The following ARHGAP24 variants were observed in gnomAD, a reference collection of about 807,000 sequenced individuals.
The protein encoded by ARHGAP24 is rho GTPase-activating protein 24.
Under a neutral mutation model 76.4 loss-of-function variants are expected in ARHGAP24, and 50 were observed. The observed-to-expected ratio is 0.65, with a 90% CI of 0.52 to 0.83. The LOEUF is 0.83. ARHGAP24 is among the 40% of genes least tolerant of loss of function. The probability of loss-of-function intolerance (pLI) is 0.00; values close to 1 mark genes in which losing one functional copy is unlikely to be tolerated. For synonymous variants in ARHGAP24, 345 were observed against 323.3 expected (o/e 1.07, Z -0.72); for missense variants, 930 against 914.2 (o/e 1.02, Z -0.22).
intron 3 of ARHGAP24, among the ~76,000 whole-genome samples, chr4:85,727,305 G>A (rs2110048715): frequency 6.6e-6 from 1 of 152,212 alleles, no homozygotes; most frequent in East Asian, 1.9e-4. Flanking sequence ...GGATACACTG[G>A]TATCTTTCCA....
At chr4:85,640,025 C>G (rs530021435) in intron 2 of ARHGAP24, among the ~76,000 whole-genome samples, 1 of 152,214 alleles carries the variant, frequency 6.6e-6, no homozygotes, top group South Asian at 2.1e-4. Flanking sequence ...CCTCTTCCTC[C>G]TCTCTGAGTT....
At chr4:85,672,035 C>T (rs1466236262) in intron 2 of ARHGAP24, among the ~76,000 whole-genome samples, 4 of 152,106 alleles carry the variant, frequency 2.6e-5, no homozygotes, top group South Asian at 2.1e-4. Flanking sequence ...AATGTGAACA[C>T]AACACAGTTT....
intron 1 of ARHGAP24, among the ~76,000 whole-genome samples, chr4:85,483,451 T>C (rs1156811633): frequency 6.6e-6 from 1 of 151,846 alleles, no homozygotes; most frequent in Non-Finnish European, 1.5e-5. Context: ...GTCTCTACTA[T>C]AAGTACAAAA....
At position 86,000,620 on chromosome 4, in the gene ARHGAP24, T is replaced by A; in HGVS notation, c.2145T>A (p.Asn715Lys). 6.2e-7 allele frequency: 1 copy of A among 1,613,884 alleles called. No homozygotes were observed. The highest frequency in any genetic ancestry group is 1.7e-5 in the Admixed American group (1 of 60,008). Residue 715 changes from asparagine (N) to lysine (K), a missense_variant, in exon 10 of 10, where the codon AAT becomes AAA. Coordinates refer to ENST00000395184, the MANE Select transcript of ARHGAP24 (RefSeq NM_001025616.3). ...CAAAAGAAGATGCCGAGAAAAGAAA[T>A]GACATGCTACAGAAAGAAATGGAGC... is the stretch of plus-strand genomic sequence containing the variant. ...ERAKEDAEKR[N>K]DMLQKEMEQF...
At chr4:85,814,853 C>T (rs564435363) in intron 3 of ARHGAP24, among the ~76,000 whole-genome samples, 40 of 152,346 alleles carry the variant, frequency 2.6e-4, no homozygotes, top group African/African-American at 8.7e-4. Flanking sequence ...CCACATTGCC[C>T]TAGCAGAGGT....
At chr4:85,533,946 A>AG (rs1360288225) in intron 1 of ARHGAP24, among the ~76,000 whole-genome samples, 2 of 152,222 alleles carry the variant, frequency 1.3e-5, no homozygotes, top group Non-Finnish European at 2.9e-5. Flanking sequence ...AGTTTATCAA[A>AG]GACACTTTTT....
intron 1 of ARHGAP24, among the ~76,000 whole-genome samples, chr4:85,533,594 A>T (rs1725354013): frequency 6.6e-6 from 1 of 152,180 alleles, no homozygotes; most frequent in Non-Finnish European, 1.5e-5. Flanking sequence ...TATAGCATAC[A>T]GTAAGGGGTA....
chr4:85,946,616 A>G (rs1265956465), intron 5 of ARHGAP24, among the ~76,000 whole-genome samples: 1 of 152,116 alleles, frequency 6.6e-6, no homozygotes, highest in Admixed American at 6.5e-5. Context: ...TTCACTTAGG[A>G]TAATGGTTTC....
chr4:85,865,423 C>G (rs909795836), intron 3 of ARHGAP24, among the ~76,000 whole-genome samples: 18 of 148,972 alleles, frequency 1.2e-4, no homozygotes, highest in African/African-American at 4.2e-4. Flanking sequence ...CCATTATTTT[C>G]TATCACAGAA....
chr4:85,683,103 AGT>A (rs796250011), intron 2 of ARHGAP24, among the ~76,000 whole-genome samples: 742 of 15,964 alleles, frequency 0.046, 27 homozygotes, highest in Non-Finnish European at 0.065. Context: ...TAACTCTCTC[AGT>A]GTGTGGGGGG....
intron 3 of ARHGAP24, among the ~76,000 whole-genome samples, chr4:85,846,145 T>TC (rs1730869565): frequency 6.6e-6 from 1 of 152,126 alleles, no homozygotes; most frequent in African/African-American, 2.4e-5. Flanking sequence ...CCTCAGGTGA[T>TC]CCGCCCGCCT....
chr4:85,583,094 T>A (rs900521108), intron 2 of ARHGAP24, among the ~76,000 whole-genome samples: 1 of 152,192 alleles, frequency 6.6e-6, no homozygotes, highest in Non-Finnish European at 1.5e-5. Flanking sequence ...TTTTTGATTT[T>A]TTCTAGTAAA....
chr4:85,966,456 A>G (rs1054321994), intron 5 of ARHGAP24, among the ~76,000 whole-genome samples: 1 of 152,208 alleles, frequency 6.6e-6, no homozygotes, highest in Non-Finnish European at 1.5e-5. Context: ...CAGTGGTGAC[A>G]TTTATGTAAC....
chr4:85,707,961 T>C (rs1000345914), intron 2 of ARHGAP24, among the ~76,000 whole-genome samples: 3 of 152,068 alleles, frequency 2.0e-5, no homozygotes, highest in African/African-American at 7.2e-5. Context: ...CTGCCTGTCA[T>C]TGGTAGGTGG....
At chr4:85,832,964 C>T (rs1238401447) in intron 3 of ARHGAP24, among the ~76,000 whole-genome samples, 1 of 152,060 alleles carries the variant, frequency 6.6e-6, no homozygotes, top group East Asian at 1.9e-4. Context: ...CCCCAGTGTT[C>T]TCTATGTGTT....
chr4:85,682,209 A>T (rs1723231578), intron 2 of ARHGAP24, among the ~76,000 whole-genome samples: 1 of 152,228 alleles, frequency 6.6e-6, no homozygotes, highest in Non-Finnish European at 1.5e-5. Flanking sequence ...AAAAACAAAG[A>T]TGTAAAGAAA....
chr4:85,868,693 C>T (rs1732349577), intron 3 of ARHGAP24, among the ~76,000 whole-genome samples: 2 of 152,098 alleles, frequency 1.3e-5, no homozygotes, highest in South Asian at 4.2e-4. Flanking sequence ...AATAATAATG[C>T]TCATGTAATA....
intron 3 of ARHGAP24, among the ~76,000 whole-genome samples, chr4:85,837,426 C>T (rs981599381): frequency 6.6e-6 from 1 of 152,134 alleles, no homozygotes; most frequent in African/African-American, 2.4e-5. Context: ...ACTTCTGCCT[C>T]TCCTGCCCCA....
intron 3 of ARHGAP24, among the ~76,000 whole-genome samples, chr4:85,728,827 A>G (rs1725278569): frequency 2.0e-5 from 3 of 152,224 alleles, no homozygotes; most frequent in African/African-American, 4.8e-5. Context: ...TTTACCATAC[A>G]TGTCTGCATT....
Sources: allele counts gnomAD v4.1 joint callset (sites outside exome capture counted in the v4.1 genomes callset), GRCh38; gene constraint gnomAD v4.1.1; transcripts MANE v1.5; gene names NCBI Gene and HGNC (gene_info 2026-07-23, HGNC 2026-07-21).